Variants in RIT2 observed in about 807,000 individuals in gnomAD.
RIT2 encodes GTP-binding protein Rit2.
RIT2 carries 24 observed loss-of-function variants against 23.7 expected under a neutral mutation model. That is an observed-to-expected ratio of 1.01 (90% confidence interval 0.73 to 1.43). The LOEUF (loss-of-function observed/expected upper bound fraction) is 1.43, where lower values mean the gene tolerates loss of function less well. RIT2 is among the 40% of genes most tolerant of loss of function. The pLI is 0.00. For missense variants in RIT2, 236 were observed against 266.9 expected, an observed-to-expected ratio of 0.88 and a Z score of 0.81; for synonymous variants, 107 against 91.1, an observed-to-expected ratio of 1.17 and a Z score of -0.99.
chr18:42,955,862 GC>G (rs1204851559), intron 3 of RIT2, among the ~76,000 whole-genome samples: 1 of 151,948 alleles, frequency 6.6e-6, no homozygotes, highest in Non-Finnish European at 1.5e-5. Flanking sequence ...CAAGCTCCTG[GC>G]AACCACTGCG....
intron 4 of RIT2, among the ~76,000 whole-genome samples, chr18:42,903,453 GA>G (rs1321105414): frequency 6.6e-6 from 1 of 151,724 alleles, no homozygotes; most frequent in African/African-American, 2.4e-5. Flanking sequence ...GGCTTAATCA[GA>G]AATAAAATAT....
At chr18:42,807,662 T>C (rs990920272) in intron 4 of RIT2, among the ~76,000 whole-genome samples, 1 of 152,118 alleles carries the variant, frequency 6.6e-6, no homozygotes, top group African/African-American at 2.4e-5. Flanking sequence ...TATTTGAAAC[T>C]GTTTATCCTG....
At chr18:43,048,097 T>C (rs1912290885) in intron 1 of RIT2, among the ~76,000 whole-genome samples, 1 of 152,192 alleles carries the variant, frequency 6.6e-6, no homozygotes, top group Non-Finnish European at 1.5e-5. Context: ...ATGTGTGTTA[T>C]GCTGGGACCT....
At chr18:42,795,831 C>T (rs892153807) in intron 4 of RIT2, among the ~76,000 whole-genome samples, 1 of 152,156 alleles carries the variant, frequency 6.6e-6, no homozygotes, top group Admixed American at 6.5e-5. Context: ...TGTGAATGCA[C>T]CAATCGACAC....
intron 2 of RIT2, among the ~76,000 whole-genome samples, chr18:43,026,844 A>G (rs1911744819): frequency 6.6e-6 from 1 of 152,098 alleles, no homozygotes. Context: ...GTTGTAACAT[A>G]TACATGATAC....
chr18:42,870,249 TTC>T (rs1907586765), intron 4 of RIT2, among the ~76,000 whole-genome samples: 1 of 152,330 alleles, frequency 6.6e-6, no homozygotes, highest in East Asian at 1.9e-4. Flanking sequence ...TTGAGTTATC[TTC>T]TGAGGCTGTT....
intron 2 of RIT2, among the ~76,000 whole-genome samples, chr18:43,018,718 A>G (rs539209255): frequency 2.0e-5 from 3 of 152,170 alleles, no homozygotes; most frequent in African/African-American, 7.2e-5. Context: ...TATTCCTCAT[A>G]AATGAAGGAC....
intron 4 of RIT2, among the ~76,000 whole-genome samples, chr18:42,870,889 G>A (rs906132788): frequency 2.6e-5 from 4 of 152,040 alleles, no homozygotes; most frequent in African/African-American, 4.8e-5. Flanking sequence ...GTACACAAAC[G>A]TTTCAAGTCC....
intron 4 of RIT2, among the ~76,000 whole-genome samples, chr18:42,860,315 A>G (rs1396615596): frequency 1.3e-5 from 2 of 152,200 alleles, no homozygotes; most frequent in Non-Finnish European, 2.9e-5. Flanking sequence ...AACTGAGAAG[A>G]AGGAGATGGG....
intron 3 of RIT2, among the ~76,000 whole-genome samples, chr18:42,929,061 A>ATATATATATATATATATT (rs1568032670): frequency 2.0e-5 from 3 of 146,624 alleles, no homozygotes; most frequent in Non-Finnish European, 4.5e-5. Context: ...ATATATATTT[A>ATATATATATATATATATT]TATGAGACAA....
intron 2 of RIT2, among the ~76,000 whole-genome samples, chr18:43,008,341 A>T (rs1911272072): frequency 6.6e-6 from 1 of 151,542 alleles, no homozygotes; most frequent in African/African-American, 2.4e-5. Context: ...GAGTGGGGAA[A>T]ATAATGGTAA....
intron 1 of RIT2, among the ~76,000 whole-genome samples, chr18:43,053,329 A>G (rs547117999): frequency 1.3e-5 from 2 of 152,190 alleles, no homozygotes; most frequent in African/African-American, 4.8e-5. Flanking sequence ...AGAGTGGTAT[A>G]ATAAGACATG....
In RIT2 at chr18:43,098,274, CAG is replaced by C. The variant is rs1259295162; in HGVS notation, c.103+17141_103+17142del. On this transcript the variant is annotated intron_variant, in intron 1 of 4. Transcript: ENST00000326695. The stretch of plus-strand genomic sequence containing the variant: ...ATTCTAGGTGATAATCTTTTATGGT[CAG>C]AGTTTTCAAAAATGGCAGAAACATG... Among the ~76,000 whole-genome samples the C allele has an allele frequency of 6.6e-5, 10 of 151,970 alleles. No individual in the cohort carries two copies. In the East Asian group the frequency reaches 1.7e-3, roughly 27 times the overall value.
intron 1 of RIT2, among the ~76,000 whole-genome samples, chr18:43,064,947 G>A (rs1040410880): frequency 1.3e-5 from 2 of 152,042 alleles, no homozygotes; most frequent in Non-Finnish European, 2.9e-5. Context: ...CTCTCCAGTA[G>A]CTGGGATTAC....
At chr18:42,759,249 G>C (rs1170609322) in intron 4 of RIT2, among the ~76,000 whole-genome samples, 1 of 152,022 alleles carries the variant, frequency 6.6e-6, no homozygotes, top group Non-Finnish European at 1.5e-5. Flanking sequence ...CTGTAGGCAC[G>C]CACTTACTGC....
intron 4 of RIT2, among the ~76,000 whole-genome samples, chr18:42,759,564 G>T (rs907752436): frequency 2.0e-5 from 3 of 151,868 alleles, no homozygotes; most frequent in Non-Finnish European, 4.4e-5. Context: ...GAAAGAAAAG[G>T]TTTAGGAAAG....
At chr18:42,817,889 C>A (rs73486758) in intron 4 of RIT2, among the ~76,000 whole-genome samples, 2,876 of 151,972 alleles carry the variant, frequency 0.019, 84 homozygotes, top group African/African-American at 0.064. Context: ...AATGAGTAGA[C>A]ATTTGGAGTA....
At chr18:42,916,581 G>C (rs1340499030) in intron 4 of RIT2, among the ~76,000 whole-genome samples, 1 of 152,044 alleles carries the variant, frequency 6.6e-6, no homozygotes, top group Non-Finnish European at 1.5e-5. Context: ...CACACAATTC[G>C]TATGCACTTG....
chr18:42,888,695 G>A (rs1236957573), intron 4 of RIT2, among the ~76,000 whole-genome samples: 1 of 151,988 alleles, frequency 6.6e-6, no homozygotes, highest in Non-Finnish European at 1.5e-5. Context: ...TAAAGAAAAT[G>A]CAGTACATAT....
Sources: gnomAD v4.1 joint callset for allele counts (sites outside exome capture counted in the v4.1 genomes callset) on GRCh38, gnomAD v4.1.1 for gene constraint, MANE v1.5 for transcripts, NCBI Gene and HGNC (gene_info 2026-07-23, HGNC 2026-07-21) for gene names.